The following NTM variants were observed in gnomAD, a reference collection of about 807,000 sequenced individuals.
NTM encodes neurotrimin, also known as IgLON family member 2.
In NTM, 13 loss-of-function variants were observed where a neutral mutation model predicts 42.1. The observed-to-expected ratio is 0.31, with a 90% CI of 0.20 to 0.49. The LOEUF is 0.49. Ranked by LOEUF, NTM falls within the 20% of genes least tolerant of loss-of-function variation. The probability of loss-of-function intolerance (pLI) is 0.99; values close to 1 mark genes in which losing one functional copy is unlikely to be tolerated. For synonymous variants in NTM, 187 were observed against 179.2 expected, an observed-to-expected ratio of 1.04 and a Z score of -0.35; for missense variants, 373 against 452.8, an observed-to-expected ratio of 0.82 and a Z score of 1.60.
intron 2 of NTM, among the ~76,000 whole-genome samples, chr11:131,930,312 G>A (rs1038426037): frequency 5.9e-5 from 9 of 152,192 alleles, no homozygotes; most frequent in African/African-American, 1.9e-4. Context: ...GAAGAATGCA[G>A]GGTACTTGTT....
At chr11:132,292,787 TA>T (rs61603794) in intron 4 of NTM, among the ~76,000 whole-genome samples, 10,947 of 56,568 alleles carry the variant, frequency 0.19, 436 homozygotes, top group East Asian at 0.29. Flanking sequence ...GATGTAAAAG[TA>T]AAAAAAAAAA....
chr11:132,323,391 C>A (rs1302384571), intron 7 of NTM, among the ~76,000 whole-genome samples: 1 of 151,584 alleles, frequency 6.6e-6, no homozygotes. Flanking sequence ...GAGAATACTA[C>A]AAACACCTCT....
At chr11:132,137,234 A>G (rs1448174944) in intron 2 of NTM, among the ~76,000 whole-genome samples, 1 of 152,204 alleles carries the variant, frequency 6.6e-6, no homozygotes, top group African/African-American at 2.4e-5. Flanking sequence ...GGTGACACAC[A>G]CTGGCCAGTG....
intron 1 of NTM, among the ~76,000 whole-genome samples, chr11:131,836,547 G>A (rs574236684): frequency 2.0e-5 from 3 of 152,270 alleles, no homozygotes; most frequent in South Asian, 4.1e-4. Context: ...ATCTACACTA[G>A]TATGCAATTT....
chr11:131,861,148 G>T (rs2046591157), intron 1 of NTM, among the ~76,000 whole-genome samples: 1 of 152,112 alleles, frequency 6.6e-6, no homozygotes, highest in Non-Finnish European at 1.5e-5. Context: ...CCTGTCAGCT[G>T]CCAAAAGAAG....
At chr11:132,020,536 T>A (rs1299015805) in intron 2 of NTM, among the ~76,000 whole-genome samples, 1 of 152,144 alleles carries the variant, frequency 6.6e-6, no homozygotes, top group African/African-American at 2.4e-5. Context: ...CTAATGAGTA[T>A]GCTACACATT....
At chr11:131,415,576 T>C (rs111967498) in intron 1 of NTM, among the ~76,000 whole-genome samples, 16 of 152,316 alleles carry the variant, frequency 1.1e-4, no homozygotes, top group African/African-American at 3.4e-4. Context: ...TGTGGGCACC[T>C]GACTTTTAGG....
chr11:132,217,621 C>T (rs977486569), intron 4 of NTM, among the ~76,000 whole-genome samples: 1 of 151,980 alleles, frequency 6.6e-6, no homozygotes, highest in African/African-American at 2.4e-5. Context: ...CTTTACCTAA[C>T]GTGAAGTGGG....
At chr11:131,649,434 A>G (rs1382675965) in intron 1 of NTM, among the ~76,000 whole-genome samples, 2 of 152,216 alleles carry the variant, frequency 1.3e-5, no homozygotes, top group African/African-American at 2.4e-5. Context: ...AGGCCTTTCC[A>G]TCACCTGGAG....
intron 1 of NTM, among the ~76,000 whole-genome samples, chr11:131,859,301 A>C (rs926287758): frequency 6.6e-6 from 1 of 152,230 alleles, no homozygotes; most frequent in African/African-American, 2.4e-5. Context: ...TTGAAAATTA[A>C]GGTTTCAAGA....
chr11:131,492,012 A>G (rs1042711199), intron 1 of NTM, among the ~76,000 whole-genome samples: 4 of 152,326 alleles, frequency 2.6e-5, no homozygotes, highest in African/African-American at 9.6e-5. Flanking sequence ...TGATTGCCAT[A>G]TCCATTTTGG....
At chr11:131,492,472 T>A (rs1327070558) in intron 1 of NTM, among the ~76,000 whole-genome samples, 1 of 152,192 alleles carries the variant, frequency 6.6e-6, no homozygotes, top group Admixed American at 6.5e-5. Context: ...GCATTGTTAT[T>A]ATCCCAATGT....
intron 4 of NTM, among the ~76,000 whole-genome samples, chr11:132,283,983 C>T (rs547575994): frequency 6.6e-5 from 10 of 152,176 alleles, no homozygotes. Flanking sequence ...GGGCTTCTCC[C>T]TCTCCCTTCC....
At chr11:131,476,306 T>C (rs370558391) in intron 1 of NTM, among the ~76,000 whole-genome samples, 2 of 152,340 alleles carry the variant, frequency 1.3e-5, no homozygotes, top group Admixed American at 6.5e-5. Flanking sequence ...AGTTATTTAA[T>C]AGACAAGTGA....
chr11:131,388,871 G>T (rs1347008452), intron 1 of NTM, among the ~76,000 whole-genome samples: 1 of 151,690 alleles, frequency 6.6e-6, no homozygotes, highest in Non-Finnish European at 1.5e-5. Context: ...AATTATCCAG[G>T]TATGGTGGCA....
chr11:131,667,444 T>A (rs1202920849), intron 1 of NTM, among the ~76,000 whole-genome samples: 1 of 152,178 alleles, frequency 6.6e-6, no homozygotes, highest in Non-Finnish European at 1.5e-5. Context: ...CCACCCTTTT[T>A]CTTCTATGCA....
Position 131,691,081 on chromosome 11 carries a change from G to A in NTM, c.83-220483G>A, listed in dbSNP as rs114480718. Among the ~76,000 whole-genome samples the A allele has an allele frequency of 7.8e-3, 1,192 of 152,284 alleles. 20 individuals are homozygous for A. Among genetic ancestry groups the A allele is most frequent in the African/African-American group, 0.027 (1,133 of 41,564 alleles). Reference sequence around the variant, plus strand: ...GCGAGTCTCAGACCGCAGAGGATCCGGCGCCTGCCCCACTCTGGAGCCGGG... The same window carrying A: ...GCGAGTCTCAGACCGCAGAGGATCCAGCGCCTGCCCCACTCTGGAGCCGGG... On this transcript the variant is annotated intron_variant, in intron 1 of 8. Coordinates refer to ENST00000683400, the MANE Select transcript of NTM (RefSeq NM_001352005.2).
rs1489233442 is a variant in NTM, at chr11:132,316,257, C to CAAACAGTTCTCGTAA, written c.934+1555_934+1569dup. ...GATGAGAATAGGGAGAAGCAGCAAA[C>CAAACAGTTCTCGTAA]AAACAGTTCTCGTAAGAGTTGAATA... On this transcript the variant is annotated intron_variant, in intron 7 of 8. Transcript: ENST00000683400. 3.3e-5 allele frequency among the ~76,000 whole-genome samples: 5 copies of CAAACAGTTCTCGTAA among 151,068 alleles called. No individual in the cohort carries two copies. The East Asian group carries it at 9.7e-4, about 29-fold the overall frequency.
At chr11:131,642,578 G>T (rs545333693) in intron 1 of NTM, among the ~76,000 whole-genome samples, 1 of 152,102 alleles carries the variant, frequency 6.6e-6, no homozygotes, top group Non-Finnish European at 1.5e-5. Flanking sequence ...GGCTAACCAC[G>T]TTCCCTGGAG....
Sources: gnomAD v4.1 joint callset for allele counts (sites outside exome capture counted in the v4.1 genomes callset) on GRCh38, gnomAD v4.1.1 for gene constraint, MANE v1.5 for transcripts, NCBI Gene and HGNC (gene_info 2026-07-23, HGNC 2026-07-21) for gene names.